The following ADAM9 variants were observed in gnomAD, a reference collection of about 807,000 sequenced individuals.
ADAM9 encodes disintegrin and metalloproteinase domain-containing protein 9.
In ADAM9, 54 loss-of-function variants were observed where a neutral mutation model predicts 108.1. That is an observed-to-expected ratio of 0.50 (90% confidence interval 0.40 to 0.63). The LOEUF (loss-of-function observed/expected upper bound fraction) is 0.63, where lower values mean the gene tolerates loss of function less well. ADAM9 is among the 20% of genes least tolerant of loss of function. ADAM9 has a pLI of 0.00. For missense variants in ADAM9, 830 were observed against 997.7 expected, an observed-to-expected ratio of 0.83 and a Z score of 2.26; for synonymous variants, 316 against 336.0, an observed-to-expected ratio of 0.94 and a Z score of 0.65.
intron 20 of ADAM9, among the ~76,000 whole-genome samples, chr8:39,092,300 A>G (rs1159965664): frequency 1.3e-5 from 2 of 151,676 alleles, no homozygotes; most frequent in African/African-American, 4.9e-5. Flanking sequence ...GTTGAAAATG[A>G]TTAGAAATCC....
chr8:39,040,334 C>T (rs552005989), intron 11 of ADAM9, among the ~76,000 whole-genome samples: 9 of 152,300 alleles, frequency 5.9e-5, no homozygotes, highest in African/African-American at 1.9e-4. Flanking sequence ...CAGCGGTGAG[C>T]CACCATACCT....
chr8:39,023,827 G>A (rs1342679787), intron 9 of ADAM9, among the ~76,000 whole-genome samples: 1 of 139,280 alleles, frequency 7.2e-6, no homozygotes, highest in African/African-American at 2.7e-5. Context: ...GCTCACTGCA[G>A]CCTCTGCCTC....
At chr8:39,069,706 A>G (rs546426837) in intron 14 of ADAM9, among the ~76,000 whole-genome samples, 1 of 152,276 alleles carries the variant, frequency 6.6e-6, no homozygotes, top group East Asian at 1.9e-4. Context: ...TATCAAAGAC[A>G]TTGTTAAAGG....
chr8:39,000,423 C>T (rs931366637), intron 1 of ADAM9, among the ~76,000 whole-genome samples: 6 of 151,766 alleles, frequency 4.0e-5, no homozygotes, highest in African/African-American at 1.2e-4. Context: ...GATTATTTTC[C>T]CTAAGTGATC....
chr8:39,008,714 A>G (rs554212761), intron 2 of ADAM9, among the ~76,000 whole-genome samples: 184 of 152,274 alleles, frequency 1.2e-3, no homozygotes, highest in African/African-American at 4.4e-3. Context: ...GAGAGTGATA[A>G]TGTGTTAAAT....
At chr8:39,011,915 A>G (rs1288814768) in intron 3 of ADAM9, among the ~76,000 whole-genome samples, 199 bp downstream of exon 3, 1 of 152,206 alleles carries the variant, frequency 6.6e-6, no homozygotes, top group Non-Finnish European at 1.5e-5. Flanking sequence ...GACTGGAACC[A>G]AGTACCTCCA....
At position 39,042,064 on chromosome 8, in the gene ADAM9, T is replaced by C. The variant is rs1222628219; in HGVS notation, c.1249T>C (p.Cys417Arg). The C allele has an allele frequency of 6.2e-7, 1 of 1,614,164 alleles. No homozygotes were observed. Among genetic ancestry groups the C allele is most frequent in the Non-Finnish European group, 8.5e-7 (1 of 1,179,970 alleles). The change falls in exon 12 of 22, where the codon TGT (cysteine) becomes CGT (arginine). Residue 417 changes from cysteine to arginine, a missense_variant. By Grantham distance (180) the Cys-to-Arg change is radical. This residue lies in a region of ADAM9 where 381 missense variants were observed against 539.8 expected (regional missense o/e 0.71). Transcript: ENST00000487273. ...TGATGAAGCCTATAGTGCTCCCTCC[T>C]GTGGTAATAAGTTGGTGGACGCTGG... ...KPDEAYSAPS[C>R]GNKLVDAGEE...
chr8:39,083,269 C>G (rs1839078469), intron 18 of ADAM9, among the ~76,000 whole-genome samples, 196 bp downstream of exon 18: 1 of 152,206 alleles, frequency 6.6e-6, no homozygotes, highest in African/African-American at 2.4e-5. Flanking sequence ...GGACATACAT[C>G]ATAGCCTCTT....
chr8:39,045,083 CATACATACAT>C (rs1564297009), intron 12 of ADAM9, among the ~76,000 whole-genome samples: 6,243 of 33,302 alleles, frequency 0.19, 1,282 homozygotes, highest in African/African-American at 0.41. Context: ...TGTGTGTGTG[CATACATACAT>C]ATGTGTGTGT....
intron 5 of ADAM9, 74 bp downstream of exon 5, chr8:39,016,268 A>G: frequency 7.3e-7 from 1 of 1,371,854 alleles, no homozygotes; most frequent in East Asian, 2.3e-5. Flanking sequence ...CTGTCTCCAA[A>G]TTAAATCATT....
chr8:38,999,702 C>T (rs1006897135), intron 1 of ADAM9, among the ~76,000 whole-genome samples: 1 of 152,120 alleles, frequency 6.6e-6, no homozygotes. Flanking sequence ...TATGTACAAA[C>T]CTAGTTCCTG....
At chr8:39,014,132 A>AT (rs757922112) in intron 4 of ADAM9, 89 bp downstream of exon 4, 19 of 1,035,420 alleles carry the variant, frequency 1.8e-5, no homozygotes, top group Middle Eastern at 2.1e-4. Context: ...GGACTGTTAC[A>AT]TTGCACAGCC....
chr8:39,052,896 C>T (rs1838002965), intron 12 of ADAM9, among the ~76,000 whole-genome samples: 1 of 152,110 alleles, frequency 6.6e-6, no homozygotes, highest in South Asian at 2.1e-4. Context: ...TTTAACTTTT[C>T]AAGAAACTCT....
At chr8:39,053,985 G>A (rs1482879351) in intron 12 of ADAM9, among the ~76,000 whole-genome samples, 1 of 152,152 alleles carries the variant, frequency 6.6e-6, no homozygotes, top group Non-Finnish European at 1.5e-5. Context: ...GAGGTCATAA[G>A]GATGGGGCCC....
chr8:39,016,038 AT>A (rs1836514773), intron 4 of ADAM9, 79 bp from the exon 5 acceptor site: 18 of 1,350,286 alleles, frequency 1.3e-5, no homozygotes, highest in Non-Finnish European at 1.9e-5. Flanking sequence ...GCCTAAAGTA[AT>A]TTTGTTAGCT....
rs891904233 is a variant in ADAM9, at chr8:39,045,443, T to C, written c.1302+3326T>C. Among the ~76,000 whole-genome samples, 3 of 131,790 alleles carry C rather than the reference T, an allele frequency of 2.3e-5. 1 individual carries two copies. Among genetic ancestry groups the C allele is most frequent in the East Asian group, 2.0e-4 (1 of 5,052 alleles). 86.5% of individuals were successfully genotyped at this position (131,790 alleles called of 152,430 possible). ...GTACACACACCTATATGTGCGCGTG[T>C]GTACACACACCTATATGTGCGTGTG... On this transcript the variant is annotated intron_variant, in intron 12 of 21. Transcript: ENST00000487273.
chr8:39,010,531 A>T (rs1836321249), intron 2 of ADAM9, among the ~76,000 whole-genome samples: 1 of 152,164 alleles, frequency 6.6e-6, no homozygotes, highest in Non-Finnish European at 1.5e-5. Context: ...TATTAAGTAG[A>T]CACTTCTGAT....
intron 20 of ADAM9, among the ~76,000 whole-genome samples, chr8:39,092,033 A>T (rs1052268198): frequency 7.9e-5 from 12 of 152,318 alleles, no homozygotes; most frequent in Admixed American, 2.0e-4. Context: ...AAGCTGTAGG[A>T]CTGATAGTCA....
At chr8:39,039,389 GC>G (rs2129436010) in intron 11 of ADAM9, among the ~76,000 whole-genome samples, 1 of 152,228 alleles carries the variant, frequency 6.6e-6, no homozygotes, top group African/African-American at 2.4e-5. Flanking sequence ...CCACATTGTT[GC>G]CCATTTTTTG....
Sources: gnomAD v4.1 joint callset for allele counts (sites outside exome capture counted in the v4.1 genomes callset) on GRCh38, gnomAD v4.1.1 for gene constraint, gnomAD v4.1.1 regional missense constraint, MANE v1.5 for transcripts, NCBI Gene and HGNC (gene_info 2026-07-23, HGNC 2026-07-21) for gene names.